Variants in NGEF observed in about 807,000 individuals in gnomAD.
NGEF encodes neuronal guanine nucleotide exchange factor, also known as ephexin-1.
NGEF carries 31 observed loss-of-function variants against 80.9 expected under a neutral mutation model. The ratio of observed to expected loss-of-function variants is 0.38; its 90% CI spans 0.29 to 0.52. The LOEUF (loss-of-function observed/expected upper bound fraction) is 0.52. Ranked by LOEUF, NGEF falls within the 20% of genes least tolerant of loss-of-function variation. NGEF has a pLI of 0.84. For missense variants in NGEF, 709 were observed against 926.2 expected (o/e 0.77, Z 3.04); for synonymous variants, 371 against 370.2 (o/e 1.00, Z -0.03).
intron 9 of NGEF, among the ~76,000 whole-genome samples, chr2:232,887,175 TCCA>T (rs1691720091): frequency 1.3e-5 from 2 of 152,312 alleles, no homozygotes; most frequent in South Asian, 4.1e-4. Flanking sequence ...CGCCTTGCTC[TCCA>T]CCATGACGGC....
intron 5 of NGEF, among the ~76,000 whole-genome samples, chr2:232,900,833 C>T (rs1692329665): frequency 6.6e-6 from 1 of 152,258 alleles, no homozygotes; most frequent in Non-Finnish European, 1.5e-5. Context: ...CCCACAGAGG[C>T]ACTGGGAGCC....
In NGEF at chr2:232,900,582, TCA is replaced by T. The variant is rs1353798950; in HGVS notation, c.829-5668_829-5667del. Among the ~76,000 whole-genome samples the T allele has an allele frequency of 1.2e-4, 13 of 112,196 alleles. 2 individuals carry two copies. The highest frequency in any genetic ancestry group is 4.9e-4 in the East Asian group (2 of 4,058). 73.6% of individuals were successfully genotyped at this position (112,196 alleles called of 152,430 possible). On this transcript the variant is annotated intron_variant, in intron 5 of 14. Transcript: ENST00000264051. ...CTCACATTCACTCACACACACGCTC[TCA>T]CAGTCACTCATATACACGTTCACTC...
At chr2:232,941,501 G>C (rs1264254666) in intron 3 of NGEF, among the ~76,000 whole-genome samples, 2 of 152,228 alleles carry the variant, frequency 1.3e-5, no homozygotes, top group Non-Finnish European at 2.9e-5. Context: ...AGGACAGCTT[G>C]GAGGTTAGAA....
At chr2:232,975,190 T>C (rs1455757502) in intron 1 of NGEF, among the ~76,000 whole-genome samples, 1 of 152,156 alleles carries the variant, frequency 6.6e-6, no homozygotes, top group Non-Finnish European at 1.5e-5. Context: ...AAGAGGCACT[T>C]TTAGGGGGAA....
chr2:232,900,785 C>T (rs1251156844), intron 5 of NGEF, among the ~76,000 whole-genome samples: 6 of 150,278 alleles, frequency 4.0e-5, no homozygotes. Flanking sequence ...CACTCATGCA[C>T]ACATTCACTC....
intron 10 of NGEF, 174 bp downstream of exon 10, chr2:232,885,106 C>T (rs1352073256): frequency 3.3e-6 from 2 of 611,318 alleles, no homozygotes; most frequent in Non-Finnish European, 5.8e-6. Context: ...TGTCTGACGC[C>T]TGGTGGCAGG....
intron 3 of NGEF, among the ~76,000 whole-genome samples, chr2:232,953,508 TTAAA>T (rs1472952340): frequency 1.4e-5 from 2 of 142,662 alleles, no homozygotes; most frequent in African/African-American, 2.9e-5. Context: ...CTTTTTTTTT[TTAAA>T]AAAAAAAGAA....
intron 5 of NGEF, among the ~76,000 whole-genome samples, chr2:232,911,744 C>G (rs1281587908): frequency 2.0e-5 from 3 of 152,154 alleles, no homozygotes; most frequent in Non-Finnish European, 4.4e-5. Flanking sequence ...TTATACCTAA[C>G]TATTTCATTT....
rs559682077 is a variant in NGEF, at chr2:232,896,229, T to C, written c.829-1313A>G. On this transcript the variant is annotated intron_variant, in intron 5 of 14. Transcript: ENST00000264051. ...AGTCAAGGAGCTCAAGATGAGATCATCCTGGGTTAAGGTTGGCCCCAAACC... is the reference window on the plus strand; with the variant it reads ...AGTCAAGGAGCTCAAGATGAGATCACCCTGGGTTAAGGTTGGCCCCAAACC... 2.0e-5 allele frequency among the ~76,000 whole-genome samples: 3 copies of C among 152,278 alleles called. No individual in the cohort carries two copies. The South Asian group carries it at 6.2e-4, about 32-fold the overall frequency.
intron 1 of NGEF, among the ~76,000 whole-genome samples, chr2:233,010,836 G>A (rs1008089270): frequency 2.0e-5 from 3 of 152,172 alleles, no homozygotes; most frequent in African/African-American, 7.2e-5. Flanking sequence ...GGGTCCTCCA[G>A]TCTGGAGGCA....
chr2:232,934,432 G>T (rs750505101), intron 3 of NGEF, among the ~76,000 whole-genome samples: 4 of 151,452 alleles, frequency 2.6e-5, no homozygotes, highest in African/African-American at 9.7e-5. Flanking sequence ...GTGAAATTAC[G>T]TATGTTAAGA....
At chr2:232,946,313 G>C (rs985443862) in intron 3 of NGEF, among the ~76,000 whole-genome samples, 1 of 152,064 alleles carries the variant, frequency 6.6e-6, no homozygotes, top group Non-Finnish European at 1.5e-5. Flanking sequence ...AGGGATAAAA[G>C]ATTACAAATT....
chr2:232,968,093 C>CTTTTTTTTTTTTTTTTTTTTTTTT (rs1274944227), intron 3 of NGEF, among the ~76,000 whole-genome samples: 15 of 125,782 alleles, frequency 1.2e-4, no homozygotes, highest in East Asian at 4.5e-4. Flanking sequence ...ACAGACCTGG[C>CTTTTTTTTTTTTTTTTTTTTTTTT]TTTTTTTTTT....
At chr2:232,906,653 G>A (rs1297074958) in intron 5 of NGEF, among the ~76,000 whole-genome samples, 1 of 90,738 alleles carries the variant, frequency 1.1e-5, no homozygotes, top group African/African-American at 3.9e-5. Flanking sequence ...GAGCCCCTCT[G>A]CCCGGCCACC....
At chr2:232,907,664 A>G (rs1206902526) in intron 5 of NGEF, among the ~76,000 whole-genome samples, 1 of 144,560 alleles carries the variant, frequency 6.9e-6, no homozygotes, top group Non-Finnish European at 1.5e-5. Flanking sequence ...ATTCACTGGA[A>G]TTTGCAAACA....
chr2:232,984,175 C>T (rs1210508160), intron 1 of NGEF, among the ~76,000 whole-genome samples: 1 of 152,184 alleles, frequency 6.6e-6, no homozygotes, highest in African/African-American at 2.4e-5. Flanking sequence ...GCCTTGAATT[C>T]CTAGACTCGA....
intron 4 of NGEF, among the ~76,000 whole-genome samples, chr2:232,926,301 T>A (rs1302214944): frequency 6.6e-6 from 1 of 151,780 alleles, no homozygotes; most frequent in East Asian, 1.9e-4. Context: ...CGGGTGCCTC[T>A]CCTGACGACA....
intron 3 of NGEF, among the ~76,000 whole-genome samples, chr2:232,944,045 C>T (rs1296658543): frequency 6.6e-6 from 1 of 151,610 alleles, no homozygotes; most frequent in Non-Finnish European, 1.5e-5. Flanking sequence ...CCAGCCTGGC[C>T]AACATGGTGA....
chr2:232,902,405 A>T (rs566695329), intron 5 of NGEF, among the ~76,000 whole-genome samples: 4 of 152,306 alleles, frequency 2.6e-5, no homozygotes, highest in Admixed American at 2.6e-4. Flanking sequence ...TCCCGTGAGC[A>T]GCGTGGGGAG....
Sources: gnomAD v4.1 joint callset for allele counts (sites outside exome capture counted in the v4.1 genomes callset) on GRCh38, gnomAD v4.1.1 for gene constraint, MANE v1.5 for transcripts, NCBI Gene and HGNC (gene_info 2026-07-23, HGNC 2026-07-21) for gene names.